Variants in RFX2 observed in about 807,000 individuals in gnomAD.
The protein encoded by RFX2 is DNA-binding protein RFX2.
RFX2 carries 20 observed loss-of-function variants against 87.8 expected under a neutral mutation model. That is an observed-to-expected ratio of 0.23 (90% CI 0.16 to 0.33). The LOEUF (loss-of-function observed/expected upper bound fraction) is 0.33, where lower values mean the gene tolerates loss of function less well. Ranked by LOEUF, RFX2 falls within the 10% of genes least tolerant of loss-of-function variation. The pLI is 1.00. For synonymous variants in RFX2, 397 were observed against 431.3 expected (o/e 0.92, Z 0.98); for missense variants, 767 against 1,012.3 (o/e 0.76, Z 3.29).
chr19:6,022,291 AC>A lies in RFX2; in HGVS notation c.597+3871del, dbSNP rs1314829292. 6.6e-6 allele frequency among the ~76,000 whole-genome samples: 1 copy of A among 152,226 alleles called. No homozygotes were observed. The highest frequency in any genetic ancestry group is 2.4e-5 in the African/African-American group (1 of 41,460). ...TAGCAACCCCACTGTGGCCTGCAGG[AC>A]AGCACGGCCATCGTGCCAGGCTACA... On this transcript the variant is annotated intron_variant, in intron 6 of 17. Coordinates refer to ENST00000303657, the MANE Select transcript of RFX2 (RefSeq NM_000635.4). The surrounding 1 kb of genome is among the most constrained non-coding windows in gnomAD (Gnocchi z 6.2).
intron 1 of RFX2, among the ~76,000 whole-genome samples, chr19:6,079,280 C>T (rs755802077): frequency 6.6e-6 from 1 of 152,136 alleles, no homozygotes; most frequent in Non-Finnish European, 1.5e-5. Context: ...ATTCAACATC[C>T]ATCATGAAGA....
chr19:6,040,273 G>A lies in RFX2; in HGVS notation c.261-32C>T, dbSNP rs2087089911. 5.4e-6 allele frequency: 8 copies of A among 1,495,290 alleles called. No individual in the cohort carries two copies. The Admixed American group carries it at 6.6e-5, about 12-fold the overall frequency. 92.6% of individuals were successfully genotyped at this position (1,495,290 alleles called of 1,614,324 possible). ...GAAAGAGAGAAGTCACGCATGGGAC[G>A]CTGTCCCATTTAAATGCCTTGTCTG... On this transcript the variant is annotated intron_variant, in intron 4 of 17. Coordinates refer to ENST00000303657, the MANE Select transcript of RFX2 (RefSeq NM_000635.4). This position sits in a 1 kb window ranked among gnomAD's most constrained non-coding sequence, Gnocchi z 6.1.
At chr19:6,008,371 TTTTC>T in intron 9 of RFX2, 147 bp from the exon 10 acceptor site, 2 of 480,534 alleles carry the variant, frequency 4.2e-6, no homozygotes, top group Non-Finnish European at 7.4e-6. Context: ...TTCTTTTTCT[TTTTC>T]TTTTTTTTTT....
Position 6,020,592 on chromosome 19 carries a change from C to T in RFX2, c.598-4321G>A, listed in dbSNP as rs992669908. ...CCTCGGTGCTGGAGCCCACACCTGG[C>T]GGCACGTCAGACTGCGGCAAGCATC... On this transcript the variant is annotated intron_variant, in intron 6 of 17. Transcript: ENST00000303657. This position sits in a 1 kb window ranked among gnomAD's most constrained non-coding sequence, Gnocchi z 5.3. 3.3e-5 allele frequency among the ~76,000 whole-genome samples: 5 copies of T among 152,184 alleles called. No homozygotes were observed. The highest frequency in any genetic ancestry group is 7.2e-5 in the African/African-American group (3 of 41,444).
In RFX2 at chr19:6,013,008, G is replaced by A; in HGVS notation, c.877C>T (p.Gln293Ter). 1 of 1,575,906 alleles carries A rather than the reference G, an allele frequency of 6.3e-7. No individual in the cohort carries two copies. Among genetic ancestry groups the A allele is most frequent in the Non-Finnish European group, 8.6e-7 (1 of 1,160,768 alleles). The change falls in exon 8 of 18, where the codon CAG becomes TAG. Residue 293 changes from glutamine to a stop codon, truncating the protein, a stop_gained. Coordinates refer to ENST00000303657, the MANE Select transcript of RFX2 (RefSeq NM_000635.4). LOFTEE classifies it high-confidence loss of function. The surrounding 1 kb of genome is among the most constrained non-coding windows in gnomAD (Gnocchi z 4.1). Reference protein sequence around the residue: ...EDTQYMAMRQQPMHQKPRYRP... With the variant: ...EDTQYMAMRQ ...CACCTGGGCTTCTGGTGCATGGGCTGCTGCCGCATGGCCATGTACTGCGTG... is the reference window on the plus strand; with the variant it reads ...CACCTGGGCTTCTGGTGCATGGGCTACTGCCGCATGGCCATGTACTGCGTG...
In RFX2 at chr19:6,003,698, G is replaced by C. The variant is rs2086527766; in HGVS notation, c.1500+503C>G. On this transcript the variant is annotated intron_variant, in intron 13 of 17. Coordinates refer to ENST00000303657, the MANE Select transcript of RFX2 (RefSeq NM_000635.4). ...GGAGGCTGAGGCAGGAGAATCGCTT[G>C]AACCCGGGAGGCAGACGTTGCAGTG... Among the ~76,000 whole-genome samples, 2 of 141,432 alleles carry C rather than the reference G, an allele frequency of 1.4e-5. 1 individual carries two copies. Among genetic ancestry groups the C allele is most frequent in the South Asian group, 4.5e-4 (2 of 4,476 alleles). The allele number at this position is 141,432 out of a possible 152,430, so 92.8% of individuals were successfully genotyped here. A position where few individuals can be genotyped will look rare whatever the true frequency, so the allele number is the denominator to read the frequency against.
Position 6,007,720 on chromosome 19 carries a change from G to T in RFX2, c.1217C>A (p.Ser406Tyr). The T allele has an allele frequency of 6.4e-7, 1 of 1,555,390 alleles. No individual in the cohort carries two copies. The highest frequency in any genetic ancestry group is 8.7e-7 in the Non-Finnish European group (1 of 1,148,474). ...WLSFWNSKAS[S>Y]SDGPTSLPAS... Reference sequence around the variant, plus strand: ...AGGAAGAGAGGTGGGGCCGTCGCTGGAGGAGGCCTTAGAGTTCCAGAAGGA... The same window carrying T: ...AGGAAGAGAGGTGGGGCCGTCGCTGTAGGAGGCCTTAGAGTTCCAGAAGGA... The change falls in exon 11 of 18, where the codon TCC becomes TAC. Residue 406 changes from serine to tyrosine, a missense_variant. Ser to Tyr is a moderately radical substitution (Grantham distance 144). Around this residue, in one of 2 missense-constraint regions of RFX2, gnomAD observed 621 missense variants for 873.0 expected, o/e 0.71. Transcript: ENST00000303657. This position sits in a 1 kb window ranked among gnomAD's most constrained non-coding sequence, Gnocchi z 8.2.
At chr19:6,029,590 T>A (rs2086931313) in intron 5 of RFX2, among the ~76,000 whole-genome samples, 1 of 152,160 alleles carries the variant, frequency 6.6e-6, no homozygotes, top group Non-Finnish European at 1.5e-5. Flanking sequence ...GCGTCTGTAA[T>A]TCCAGCTACT....
intron 1 of RFX2, among the ~76,000 whole-genome samples, chr19:6,049,542 A>G (rs568864973): frequency 6.6e-6 from 1 of 152,206 alleles, no homozygotes; most frequent in South Asian, 2.1e-4. Flanking sequence ...TTTATTAATT[A>G]TTATTATTGT....
rs1454321809 is a variant in RFX2 at position 6,042,180 on chromosome 19, G to A, written c.181-57C>T. 3.4e-6 allele frequency: 5 copies of A among 1,459,398 alleles called. No homozygotes were observed. The African/African-American group carries it at 5.5e-5, about 16-fold the overall frequency. 90.4% of individuals were successfully genotyped at this position (1,459,398 alleles called of 1,614,324 possible). On this transcript the variant is annotated intron_variant, in intron 3 of 17. Coordinates refer to ENST00000303657, the MANE Select transcript of RFX2 (RefSeq NM_000635.4). ...GTCACGCCCTCGTGAGTTGCCTGCA[G>A]ATTATTCAAGCTAGACGTGTCTTCT...
At chr19:6,075,946 A>G (rs1377319196) in intron 1 of RFX2, among the ~76,000 whole-genome samples, 1 of 152,254 alleles carries the variant, frequency 6.6e-6, no homozygotes, top group African/African-American at 2.4e-5. Flanking sequence ...GATCTGGCAT[A>G]GGGGACAGAG....
In RFX2 at chr19:6,040,201, C is replaced by G; in HGVS notation, c.301G>C (p.Ala101Pro). Residue 101 changes from alanine to proline, a missense_variant, in exon 5 of 18, where the codon GCC becomes CCC. This residue lies in a region of RFX2 where 146 missense variants were observed against 139.2 expected (regional missense o/e 1.05). Transcript: ENST00000303657. The surrounding 1 kb of genome is among the most constrained non-coding windows in gnomAD (Gnocchi z 6.1). ...AAGTAAGAAGCCGTGCTGCTGGGGG[C>G]GTACATCTGAGGCTCGGGGTTGTAG... ...YTYNPEPQMY[A>P]PSSTASYFEA... 1.9e-6 allele frequency: 3 copies of G among 1,587,968 alleles called. No individual in the cohort carries two copies. The highest frequency in any genetic ancestry group is 2.6e-6 in the Non-Finnish European group (3 of 1,160,506).
chr19:6,096,595 C>T (rs986790010), intron 1 of RFX2, among the ~76,000 whole-genome samples: 1 of 152,052 alleles, frequency 6.6e-6, no homozygotes, highest in South Asian at 2.1e-4. Flanking sequence ...TACAGGCGCC[C>T]ACCACCATGC....
intron 5 of RFX2, among the ~76,000 whole-genome samples, chr19:6,028,783 T>C (rs73555668): frequency 0.035 from 5,331 of 151,962 alleles, 326 homozygotes; most frequent in African/African-American, 0.12. Flanking sequence ...GGTAACTGAA[T>C]AGAGATTTTG....
Position 6,012,506 on chromosome 19 carries a change from A to G in RFX2, c.899+480T>C, listed in dbSNP as rs1292230588. Among the ~76,000 whole-genome samples the G allele has an allele frequency of 6.6e-6, 1 of 152,136 alleles. No individual in the cohort carries two copies. The highest frequency in any genetic ancestry group is 1.9e-4 in the East Asian group (1 of 5,186). On this transcript the variant is annotated intron_variant, in intron 8 of 17. Transcript: ENST00000303657. The surrounding 1 kb of genome is among the most constrained non-coding windows in gnomAD (Gnocchi z 4.6). The stretch of plus-strand genomic sequence containing the variant: ...ACTGTGATGGGGGACACATGTCATT[A>G]TAGGTTTGTCCAAACTGTCGAATGT...
intron 1 of RFX2, among the ~76,000 whole-genome samples, chr19:6,059,957 G>C (rs2087404379): frequency 6.7e-6 from 1 of 149,700 alleles, no homozygotes; most frequent in South Asian, 2.1e-4. Flanking sequence ...GTAGTAAAAA[G>C]TGATGGGGGG....
intron 1 of RFX2, among the ~76,000 whole-genome samples, chr19:6,069,242 G>A (rs1351654529): frequency 6.6e-6 from 1 of 152,176 alleles, no homozygotes; most frequent in Admixed American, 6.5e-5. Flanking sequence ...AGCCATCAGT[G>A]TATAGAATAT....
chr19:6,057,585 C>T (rs75162614), intron 1 of RFX2, among the ~76,000 whole-genome samples: 3,468 of 152,310 alleles, frequency 0.023, 139 homozygotes, highest in African/African-American at 0.08. Context: ...GTTTTAGTTA[C>T]CTTCATTCTG....
rs544855741 is a variant in RFX2 at position 6,055,577 on chromosome 19, C to A, written c.-8-8073G>T. On this transcript the variant is annotated intron_variant, in intron 1 of 17. Coordinates refer to ENST00000303657, the MANE Select transcript of RFX2 (RefSeq NM_000635.4). ...TAGCTGGGACTACAGGCACGCAGCA[C>A]CATACCCGGCTAATTTTTGTATTTT... Among the ~76,000 whole-genome samples, 8 of 152,286 alleles carry A rather than the reference C, an allele frequency of 5.3e-5. No homozygotes were observed. In the East Asian group the frequency reaches 1.2e-3, roughly 22 times the overall value.
Sources: allele counts gnomAD v4.1 joint callset (sites outside exome capture counted in the v4.1 genomes callset), GRCh38; gene constraint gnomAD v4.1.1; regional missense constraint gnomAD v4.1.1; non-coding constraint Gnocchi (gnomAD v3.1); transcripts MANE v1.5; gene names NCBI Gene and HGNC (gene_info 2026-07-23, HGNC 2026-07-21).